Variants in PZP observed in about 807,000 individuals in gnomAD.
The protein encoded by PZP is pregnancy zone protein.
A neutral mutation model predicts 179.8 loss-of-function variants in PZP; 150 were observed. The observed-to-expected ratio is 0.83, with a 90% CI of 0.73 to 0.96. PZP has a LOEUF of 0.96. Among genes scored for constraint, PZP ranks in the 40% least tolerant of loss-of-function variants. The pLI is 0.00. For missense variants in PZP, 1,689 were observed against 1,764.0 expected, an observed-to-expected ratio of 0.96 and a Z score of 0.76; for synonymous variants, 624 against 652.3, an observed-to-expected ratio of 0.96 and a Z score of 0.66.
At chr12:9,200,325 G>T in intron 7 of PZP, 39 bp downstream of exon 7, 2 of 1,456,278 alleles carry the variant, frequency 1.4e-6, no homozygotes, top group Non-Finnish European at 1.9e-6. Context: ...CAAAATTGAG[G>T]CAAAATATAA....
At position 9,202,514 on chromosome 12, in the gene PZP, T is replaced by G. The variant is rs1379810012; in HGVS notation, c.427+11A>C. Reference sequence around the variant, plus strand: ...CAGTGTTGCCCCAAACAGTGGAATTTCCCTACTTACCTGTCTGTCCTGGTT... The same window carrying G: ...CAGTGTTGCCCCAAACAGTGGAATTGCCCTACTTACCTGTCTGTCCTGGTT... On this transcript the variant is annotated intron_variant, in intron 3 of 35. Transcript: ENST00000261336. 1 of 1,613,826 alleles carries G rather than the reference T, an allele frequency of 6.2e-7. No homozygotes were observed. Among genetic ancestry groups the G allele is most frequent in the East Asian group, 2.2e-5 (1 of 44,876 alleles).
chr12:9,169,277 A>G (rs1441562899), intron 16 of PZP, among the ~76,000 whole-genome samples, 153 bp downstream of exon 16: 2 of 152,216 alleles, frequency 1.3e-5, no homozygotes, highest in African/African-American at 4.8e-5. Context: ...TGATCCTCAC[A>G]AGAGACTTTA....
In PZP at chr12:9,200,362, A is replaced by C. The variant is rs1944085139; in HGVS notation, c.755+2T>G. The C allele has an allele frequency of 1.9e-6, 3 of 1,585,176 alleles. No individual in the cohort carries two copies. The African/African-American group carries it at 4.1e-5, about 21-fold the overall frequency. Reference sequence around the variant, plus strand: ...ATTTTAGATAAAAACAATGTAACTCACTCTCCACAGACTGTTATGTTCACT... The same window carrying C: ...ATTTTAGATAAAAACAATGTAACTCCCTCTCCACAGACTGTTATGTTCACT... On this transcript the variant is annotated splice_donor_variant, in intron 7 of 35. Coordinates refer to ENST00000261336, the MANE Select transcript of PZP (RefSeq NM_002864.3). LOFTEE classifies it high-confidence loss of function.
At chr12:9,190,675 A>G (rs755618054) in intron 13 of PZP, among the ~76,000 whole-genome samples, 30 of 152,228 alleles carry the variant, frequency 2.0e-4, no homozygotes, top group Admixed American at 7.2e-4. Flanking sequence ...AAACCTGAAC[A>G]TGAACCCTTC....
chr12:9,154,636 C>T lies in PZP; in HGVS notation c.3754G>A (p.Gly1252Ser). Reference sequence around the variant, plus strand: ...CTGACCTGGGTGGAGGAGAAACCACCTTGGGCGTTCTGCTGCTTCATGATC... The same window carrying T: ...CTGACCTGGGTGGAGGAGAAACCACTTTGGGCGTTCTGCTGCTTCATGATC... ...KWIMKQQNAQ[G>S]GFSSTQDTVV... Residue 1252 changes from glycine (G) to serine (S), a missense_variant, in exon 29 of 36, where the codon GGT becomes AGT. Coordinates refer to ENST00000261336, the MANE Select transcript of PZP (RefSeq NM_002864.3). The T allele has an allele frequency of 1.2e-6, 2 of 1,614,124 alleles. No homozygotes were observed. The highest frequency in any genetic ancestry group is 1.6e-4 in the Middle Eastern group (1 of 6,062).
intron 26 of PZP, among the ~76,000 whole-genome samples, chr12:9,158,094 G>T (rs947157550): frequency 5.3e-5 from 8 of 152,100 alleles, no homozygotes; most frequent in Admixed American, 2.0e-4. Context: ...GCAACTACAG[G>T]CACAGGCCAC....
chr12:9,204,085 T>G lies in PZP; in HGVS notation c.84-134A>C, dbSNP rs773389481. ...TCTAAAAGTCAATGGACTAAGTCAA[T>G]GGAGGTTCTGTCACAGATCAGCACA... On this transcript the variant is annotated intron_variant, in intron 1 of 35. Transcript: ENST00000261336. 187 of 913,556 alleles carry G rather than the reference T, an allele frequency of 2.0e-4. 1 individual carries two copies. In the African/African-American group the frequency reaches 2.5e-3, roughly 12 times the overall value. 56.6% of individuals were successfully genotyped at this position (913,556 alleles called of 1,614,324 possible).
At position 9,153,107 on chromosome 12, in the gene PZP, A is replaced by G. The variant is rs1355943001; in HGVS notation, c.3993+18T>C. 1 of 1,612,834 alleles carries G rather than the reference A, an allele frequency of 6.2e-7. No homozygotes were observed. The highest frequency in any genetic ancestry group is 8.5e-7 in the Non-Finnish European group (1 of 1,178,944). On this transcript the variant is annotated intron_variant, in intron 30 of 35. Coordinates refer to ENST00000261336, the MANE Select transcript of PZP (RefSeq NM_002864.3). ...AAGTTTAAAGTTGACTCTCACCCAT[A>G]TAAGCTTGGAGCCCTACCTGAAGAT...
Position 9,182,048 on chromosome 12 carries a change from AAG to A in PZP, c.1614_1615del (p.Phe539CysfsTer13). 1 of 1,613,906 alleles carries A rather than the reference AAG, an allele frequency of 6.2e-7. No individual in the cohort carries two copies. The highest frequency in any genetic ancestry group is 8.5e-7 in the Non-Finnish European group (1 of 1,179,890). Reference sequence around the variant, plus strand: ...AACTTCTCCATCTGGTAAAATGGCAAAGATGAACATTCGTGCAATGGGGGCAA... The same window carrying A: ...AACTTCTCCATCTGGTAAAATGGCAAATGAACATTCGTGCAATGGGGGCAA... On this transcript the variant is annotated frameshift_variant, in exon 14 of 36. Coordinates refer to ENST00000261336, the MANE Select transcript of PZP (RefSeq NM_002864.3). LOFTEE classifies it high-confidence loss of function.
intron 24 of PZP, 54 bp from the exon 25 acceptor site, chr12:9,160,079 C>T (rs1941062481): frequency 6.6e-7 from 1 of 1,526,164 alleles, no homozygotes; most frequent in African/African-American, 1.4e-5. Context: ...GGCAGGCCAT[C>T]CATATGTTTA....
chr12:9,192,694 C>A lies in PZP; in HGVS notation c.1300G>T (p.Ala434Ser). Residue 434 changes from alanine (A) to serine (S), a missense_variant, in exon 12 of 36, where the codon GCA (alanine) becomes TCA (serine). Coordinates refer to ENST00000261336, the MANE Select transcript of PZP (RefSeq NM_002864.3). ...TGCTGAGCACCCTGGTGGTCTTCTG[C>A]TACCCATGAATAGTGAAAACACAAG... ...PNLCFHYSWVAEDHQGAQHTA... is the reference protein window; with the variant it reads ...PNLCFHYSWVSEDHQGAQHTA... 6.2e-7 allele frequency: 1 copy of A among 1,613,848 alleles called. No homozygotes were observed. The highest frequency in any genetic ancestry group is 2.2e-5 in the East Asian group (1 of 44,878).
chr12:9,142,325 C>A, the PZP span, among the ~76,000 whole-genome samples: 4 of 152,130 alleles, frequency 2.6e-5, no homozygotes, highest in African/African-American at 9.7e-5. Flanking sequence ...AAAAATTACA[C>A]AAGCAAAGAT....
intron 10 of PZP, among the ~76,000 whole-genome samples, chr12:9,195,746 G>A (rs1229207260): frequency 1.3e-5 from 2 of 149,700 alleles, no homozygotes; most frequent in South Asian, 2.1e-4. Context: ...GAGCCACTAT[G>A]CCTGGCCAAA....
intron 7 of PZP, 78 bp from the exon 8 acceptor site, chr12:9,197,201 CT>C: frequency 1.0e-6 from 1 of 972,714 alleles, no homozygotes; most frequent in South Asian, 1.3e-5. Flanking sequence ...AGAACTGTCC[CT>C]CTTTAGAGTT....
At chr12:9,183,393 C>A (rs894571149) in intron 13 of PZP, among the ~76,000 whole-genome samples, 4 of 133,780 alleles carry the variant, frequency 3.0e-5, no homozygotes, top group African/African-American at 1.1e-4. Flanking sequence ...ATGTTGTACA[C>A]CTTAAATAAA....
intron 17 of PZP, chr12:9,166,837 A>G (rs759625203): frequency 6.6e-6 from 1 of 152,236 alleles, no homozygotes; most frequent in Non-Finnish European, 1.5e-5. Flanking sequence ...TCATTTACCA[A>G]CGTGAGAGGG....
At chr12:9,153,495 T>C in intron 29 of PZP, 152 bp from the exon 30 acceptor site, 1 of 599,012 alleles carries the variant, frequency 1.7e-6, no homozygotes, top group Non-Finnish European at 2.9e-6. Context: ...TCTCTGCCTT[T>C]CAGACATTAT....
At chr12:9,171,305 A>C (rs1941983967) in intron 15 of PZP, among the ~76,000 whole-genome samples, 1 of 152,240 alleles carries the variant, frequency 6.6e-6, no homozygotes, top group Admixed American at 6.5e-5. Context: ...ACAAACAAAC[A>C]GAAAACAACA....
chr12:9,150,472 T>C (rs901783297), intron 34 of PZP, among the ~76,000 whole-genome samples, 172 bp downstream of exon 34: 6 of 152,022 alleles, frequency 3.9e-5, no homozygotes, highest in Admixed American at 3.3e-4. Flanking sequence ...TTAGTAGAGA[T>C]GGGGTTTTGC....
Sources: gnomAD v4.1 joint callset for allele counts (sites outside exome capture counted in the v4.1 genomes callset) on GRCh38, gnomAD v4.1.1 for gene constraint, MANE v1.5 for transcripts, NCBI Gene and HGNC (gene_info 2026-07-23, HGNC 2026-07-21) for gene names.